Variants in CHCHD3 observed in about 807,000 individuals in gnomAD.
CHCHD3 encodes the protein MICOS complex subunit MIC19.
A neutral mutation model predicts 38.2 loss-of-function variants in CHCHD3; 20 were observed. The ratio of observed to expected loss-of-function variants is 0.52; its 90% CI spans 0.37 to 0.76. CHCHD3 has a LOEUF of 0.76. Among genes scored for constraint, CHCHD3 ranks in the 30% least tolerant of loss-of-function variants. The pLI is 0.00. For synonymous variants in CHCHD3, 82 were observed against 100.0 expected, an observed-to-expected ratio of 0.82 and a Z score of 1.07; for missense variants, 245 against 279.2, an observed-to-expected ratio of 0.88 and a Z score of 0.87.
Position 133,060,348 on chromosome 7 carries a change from T to C in CHCHD3, c.169+9794A>G, listed in dbSNP as rs1562951344. 2.6e-5 allele frequency among the ~76,000 whole-genome samples: 4 copies of C among 152,198 alleles called. No individual in the cohort carries two copies. In the South Asian group the frequency reaches 8.3e-4, roughly 32 times the overall value. ...ATGAGAAAATAGAAGCTATGGGATCTGGAGGAGAGGGGTGTGTAACGGGCA... is the reference window on the plus strand; with the variant it reads ...ATGAGAAAATAGAAGCTATGGGATCCGGAGGAGAGGGGTGTGTAACGGGCA... On this transcript the variant is annotated intron_variant, in intron 2 of 7. Coordinates refer to ENST00000262570, the MANE Select transcript of CHCHD3 (RefSeq NM_017812.4).
intron 5 of CHCHD3, among the ~76,000 whole-genome samples, chr7:132,858,370 C>T (rs538952973): frequency 2.5e-4 from 38 of 152,236 alleles, no homozygotes; most frequent in African/African-American, 8.7e-4. Context: ...TCACTTTTTT[C>T]CTCTTTTCTC....
chr7:133,080,744 G>C, intron 1 of CHCHD3, among the ~76,000 whole-genome samples: 1 of 152,142 alleles, frequency 6.6e-6, no homozygotes, highest in East Asian at 1.9e-4. Flanking sequence ...GACAGTCTGA[G>C]TTTCTATGAA....
At chr7:133,003,386 G>A (rs1032399762) in intron 3 of CHCHD3, among the ~76,000 whole-genome samples, 1 of 152,172 alleles carries the variant, frequency 6.6e-6, no homozygotes, top group Non-Finnish European at 1.5e-5. Flanking sequence ...TGGGTTTGGG[G>A]TCAATCCCAG....
chr7:132,867,032 TC>T (rs1417488583), intron 5 of CHCHD3, among the ~76,000 whole-genome samples: 1 of 152,070 alleles, frequency 6.6e-6, no homozygotes, highest in African/African-American at 2.4e-5. Flanking sequence ...ACCATCATTT[TC>T]TCTCCTCTTA....
intron 3 of CHCHD3, among the ~76,000 whole-genome samples, chr7:133,011,368 T>C (rs887470267): frequency 2.0e-5 from 3 of 152,214 alleles, no homozygotes; most frequent in Non-Finnish European, 4.4e-5. Flanking sequence ...CGGACAAGAA[T>C]AGCCCAATGG....
intron 6 of CHCHD3, among the ~76,000 whole-genome samples, chr7:132,807,606 AAT>A (rs55835343): frequency 0.027 from 2,973 of 108,740 alleles, 49 homozygotes; most frequent in Non-Finnish European, 0.035. Flanking sequence ...CATACACATA[AAT>A]ATATATATAT....
At chr7:132,835,149 A>ATTT (rs60504335) in intron 6 of CHCHD3, among the ~76,000 whole-genome samples, 1,595 of 138,840 alleles carry the variant, frequency 0.011, 36 homozygotes, top group African/African-American at 0.04. Context: ...TAATTTTTGT[A>ATTT]TTTTTTTTTT....
intron 7 of CHCHD3, among the ~76,000 whole-genome samples, chr7:132,789,754 G>A (rs549269823): frequency 7.2e-5 from 11 of 152,070 alleles, no homozygotes; most frequent in African/African-American, 2.2e-4. Flanking sequence ...GCTTGTCTCT[G>A]GATGAACTTA....
chr7:132,853,255 C>G (rs577219034), intron 5 of CHCHD3, among the ~76,000 whole-genome samples: 2 of 152,096 alleles, frequency 1.3e-5, no homozygotes, highest in Non-Finnish European at 2.9e-5. Context: ...GCAAAGCATC[C>G]TTAAGCTCAA....
intron 2 of CHCHD3, among the ~76,000 whole-genome samples, chr7:133,060,890 A>G (rs557884050): frequency 3.9e-5 from 6 of 152,314 alleles, no homozygotes; most frequent in African/African-American, 1.4e-4. Flanking sequence ...AGCCTGGGCA[A>G]CAACAGCAAA....
At chr7:133,072,706 G>T (rs1314864590) in intron 1 of CHCHD3, among the ~76,000 whole-genome samples, 1 of 152,006 alleles carries the variant, frequency 6.6e-6, no homozygotes, top group African/African-American at 2.4e-5. Flanking sequence ...GGGCGTGGTG[G>T]CGGGCGCCTG....
At chr7:133,008,381 C>A (rs74498879) in intron 3 of CHCHD3, among the ~76,000 whole-genome samples, 2 of 83,324 alleles carry the variant, frequency 2.4e-5, no homozygotes, top group Admixed American at 1.2e-4. Context: ...AAAAAAAAAA[C>A]AATCAAAATG....
At chr7:132,821,545 C>T (rs1202819912) in intron 6 of CHCHD3, among the ~76,000 whole-genome samples, 4 of 151,872 alleles carry the variant, frequency 2.6e-5, no homozygotes, top group African/African-American at 9.7e-5. Context: ...GAACCACAGA[C>T]GAGAGAAAAT....
intron 2 of CHCHD3, among the ~76,000 whole-genome samples, chr7:133,041,924 C>T (rs964079707): frequency 2.0e-5 from 3 of 152,180 alleles, no homozygotes; most frequent in Admixed American, 2.0e-4. Flanking sequence ...ATGAGGACTT[C>T]GACTATCAGC....
Position 132,905,582 on chromosome 7 carries a change from TTAAAA to T in CHCHD3, c.370-19842_370-19838del, listed in dbSNP as rs1234774228. On this transcript the variant is annotated intron_variant, in intron 4 of 7. Transcript: ENST00000262570. ...ACATCCTGCACATGTACCCTGGAAA[TTAAAA>T]TAAAAGTTGAGGGGAAAAAAATGCC... Among the ~76,000 whole-genome samples the T allele has an allele frequency of 2.6e-5, 4 of 151,300 alleles. No homozygotes were observed. In the East Asian group the frequency reaches 7.8e-4, roughly 29 times the overall value.
chr7:133,000,451 A>T (rs1812539225), intron 3 of CHCHD3, among the ~76,000 whole-genome samples: 1 of 152,152 alleles, frequency 6.6e-6, no homozygotes, highest in African/African-American at 2.4e-5. Context: ...TTATTCTATA[A>T]TCTACAACGT....
chr7:133,009,235 G>A (rs966320411), intron 3 of CHCHD3, among the ~76,000 whole-genome samples: 3 of 151,856 alleles, frequency 2.0e-5, no homozygotes, highest in African/African-American at 4.8e-5. Context: ...ACGGTGGTGT[G>A]CACCTGTAAG....
rs1813651219 is a variant in CHCHD3 at position 133,035,611 on chromosome 7, A to C, written c.170-10984T>G. 8.1e-6 allele frequency: 13 copies of C among 1,612,174 alleles called. No homozygotes were observed. Among genetic ancestry groups the C allele is most frequent in the Non-Finnish European group, 1.1e-5 (13 of 1,178,974 alleles). ...GTACTGGCTGGGGGCACTATATCGG[A>C]ATCAGCAAAGCTCACCCACTGCACC... is the stretch of plus-strand genomic sequence containing the variant. On this transcript the variant is annotated intron_variant, in intron 2 of 7. Transcript: ENST00000262570. This position sits in a 1 kb window ranked among gnomAD's most constrained non-coding sequence, Gnocchi z 4.7.
intron 4 of CHCHD3, among the ~76,000 whole-genome samples, chr7:132,956,304 T>C (rs1389973007): frequency 6.6e-6 from 1 of 152,216 alleles, no homozygotes; most frequent in Non-Finnish European, 1.5e-5. Flanking sequence ...TAAGCTCTAT[T>C]AAGGCAAAGA....
Sources: gnomAD v4.1 joint callset for allele counts (sites outside exome capture counted in the v4.1 genomes callset) on GRCh38, gnomAD v4.1.1 for gene constraint, Gnocchi (gnomAD v3.1) non-coding constraint, MANE v1.5 for transcripts, NCBI Gene and HGNC (gene_info 2026-07-23, HGNC 2026-07-21) for gene names.